The following SI variants were observed in gnomAD, a reference collection of about 807,000 sequenced individuals.
SI encodes sucrase-isomaltase.
SI carries 235 observed loss-of-function variants against 253.3 expected under a neutral mutation model. That is an observed-to-expected ratio of 0.93 (90% CI 0.83 to 1.03). The LOEUF is 1.03. Among genes scored for constraint, SI ranks in the 50% least tolerant of loss-of-function variants. SI has a pLI of 0.00. For synonymous variants in SI, 819 were observed against 712.0 expected (o/e 1.15, Z -2.39); for missense variants, 2,442 against 2,211.1 (o/e 1.10, Z -2.09).
chr3:164,991,837 C>G (rs1400294718), intron 43 of SI, among the ~76,000 whole-genome samples: 2 of 152,002 alleles, frequency 1.3e-5, no homozygotes, highest in Middle Eastern at 3.2e-3. Flanking sequence ...CACAAAAGCT[C>G]TGCTTGACTT....
At chr3:165,088,630 A>C in the SI span, among the ~76,000 whole-genome samples, 1 of 152,024 alleles carries the variant, frequency 6.6e-6, no homozygotes, top group Non-Finnish European at 1.5e-5. Flanking sequence ...GACAGAGTGA[A>C]GACTCTGTCT....
At chr3:164,994,483 A>G in intron 40 of SI, 78 bp from the exon 41 acceptor site, 1 of 1,458,168 alleles carries the variant, frequency 6.9e-7, no homozygotes, top group South Asian at 1.2e-5. Context: ...TATTTGAAGA[A>G]CTAAAAAGTA....
chr3:164,991,424 G>A lies in SI; in HGVS notation c.5037C>T (p.Asp1679=). Residue 1679 remains aspartate (D), a synonymous_variant, in exon 44 of 48, where the codon GAC becomes GAT. Transcript: ENST00000264382. ...CACCACGGACATGTAGGTTTATTGT[G>A]TCATAAGAAGCATTAAATGTTTGAA... is the stretch of plus-strand genomic sequence containing the variant. ...GQFQTFNASY[D]TINLHVRGGH... 1 of 1,613,232 alleles carries A rather than the reference G, an allele frequency of 6.2e-7. No individual in the cohort carries two copies. Among genetic ancestry groups the A allele is most frequent in the South Asian group, 1.1e-5 (1 of 91,068 alleles).
At chr3:165,029,170 T>C (rs901841048) in intron 25 of SI, among the ~76,000 whole-genome samples, 10 of 150,490 alleles carry the variant, frequency 6.6e-5, no homozygotes, top group African/African-American at 2.4e-4. Context: ...CCAACAAACA[T>C]ATGAAAAAAT....
chr3:165,084,562 A>G, the SI span, among the ~76,000 whole-genome samples: 166 of 152,160 alleles, frequency 1.1e-3, 2 homozygotes, highest in African/African-American at 3.9e-3. Flanking sequence ...ACAACTAATG[A>G]AAATGAATGT....
At chr3:165,088,472 G>A in the SI span, among the ~76,000 whole-genome samples, 3 of 151,850 alleles carry the variant, frequency 2.0e-5, 1 homozygote, top group East Asian at 1.9e-4. Context: ...GTGAAACCCC[G>A]TCTCTACTAA....
At chr3:164,987,250 T>A in intron 44 of SI, 24 bp from the exon 45 acceptor site, 1 of 1,585,048 alleles carries the variant, frequency 6.3e-7, no homozygotes, top group Non-Finnish European at 8.7e-7. Flanking sequence ...ATATATAATT[T>A]TACCCATGTT....
intron 37 of SI, among the ~76,000 whole-genome samples, chr3:165,001,393 T>A (rs961612296): frequency 2.0e-5 from 3 of 151,488 alleles, no homozygotes; most frequent in African/African-American, 7.2e-5. Flanking sequence ...AAATATAAAT[T>A]TTCCCAACTC....
At chr3:165,076,941 G>A (rs1258258435) in intron 1 of SI, among the ~76,000 whole-genome samples, 1 of 147,548 alleles carries the variant, frequency 6.8e-6, no homozygotes, top group African/African-American at 2.5e-5. Context: ...ACTACAGTAA[G>A]TGCTTTAATA....
At chr3:165,049,330 T>C (rs890646543) in intron 14 of SI, 86 bp from the exon 15 acceptor site, 6 of 805,396 alleles carry the variant, frequency 7.4e-6, no homozygotes, top group Non-Finnish European at 1.3e-5. Context: ...ATATTCCTTT[T>C]CATTTGTGTT....
intron 26 of SI, among the ~76,000 whole-genome samples, chr3:165,021,690 A>G (rs1711633007): frequency 6.6e-6 from 1 of 151,648 alleles, no homozygotes; most frequent in Admixed American, 6.6e-5. Flanking sequence ...GTATACCAAA[A>G]TTATTTCATG....
intron 39 of SI, 25 bp downstream of exon 39, chr3:164,996,713 A>G: frequency 8.1e-7 from 1 of 1,231,454 alleles, no homozygotes; most frequent in Non-Finnish European, 1.2e-6. Flanking sequence ...TAATTTATGA[A>G]GATAAAAGGA....
intron 25 of SI, 95 bp from the exon 26 acceptor site, chr3:165,023,871 A>T (rs1205895097): frequency 1.2e-6 from 1 of 851,140 alleles, no homozygotes; most frequent in Non-Finnish European, 2.0e-6. Flanking sequence ...ACATTGTATG[A>T]TTTACAAGTT....
At chr3:165,022,289 A>T (rs1711663497) in intron 26 of SI, among the ~76,000 whole-genome samples, 1 of 150,758 alleles carries the variant, frequency 6.6e-6, no homozygotes, top group South Asian at 2.1e-4. Context: ...ATTTTTACCT[A>T]TGTCACTTAA....
chr3:164,982,435 C>T, intron 46 of SI, 25 bp from the exon 47 acceptor site: 1 of 1,547,762 alleles, frequency 6.5e-7, no homozygotes, highest in African/African-American at 1.4e-5. Flanking sequence ...AAAGGAATAA[C>T]ATAAACACTT....
Position 165,018,071 on chromosome 3 carries a change from A to T in SI, c.3424-5T>A. On this transcript the variant is annotated splice_polypyrimidine_tract_variant and splice_region_variant and intron_variant, in intron 28 of 47. Transcript: ENST00000264382. ...TCCATAGGAATTAAGTTTGTACTGA[A>T]ATACGAAAAATAAGCACAATATATT... 1 of 1,492,940 alleles carries T rather than the reference A, an allele frequency of 6.7e-7. No individual in the cohort carries two copies. The highest frequency in any genetic ancestry group is 9.3e-7 in the Non-Finnish European group (1 of 1,070,082). 92.5% of individuals were successfully genotyped at this position (1,492,940 alleles called of 1,614,324 possible).
the SI span, among the ~76,000 whole-genome samples, chr3:165,085,486 A>T: frequency 6.6e-6 from 1 of 152,146 alleles, no homozygotes. Context: ...TGCTTATTTA[A>T]CTCAAATGTT....
At position 165,032,506 on chromosome 3, in the gene SI, A is replaced by G. The variant is rs745831769; in HGVS notation, c.2736+16T>C. The G allele has an allele frequency of 4.5e-6, 7 of 1,548,378 alleles. No homozygotes were observed. The South Asian group carries it at 7.9e-5, about 17-fold the overall frequency. ...GATTATATGATAGCTAAAATATTTT[A>G]AAAGATTGTAATTACCTGGTTAGAA... On this transcript the variant is annotated intron_variant, in intron 24 of 47. Transcript: ENST00000264382.
intron 37 of SI, among the ~76,000 whole-genome samples, chr3:165,004,387 T>C (rs891454832): frequency 6.6e-6 from 1 of 152,136 alleles, no homozygotes; most frequent in African/African-American, 2.4e-5. Context: ...GAAGAGCAGT[T>C]TGAAGTTTCC....
Sources: allele counts gnomAD v4.1 joint callset (sites outside exome capture counted in the v4.1 genomes callset), GRCh38; gene constraint gnomAD v4.1.1; transcripts MANE v1.5; gene names NCBI Gene and HGNC (gene_info 2026-07-23, HGNC 2026-07-21).